The following NAALADL2 variants were observed in gnomAD, a reference collection of about 807,000 sequenced individuals.
The protein encoded by NAALADL2 is N-acetylated alpha-linked acidic dipeptidase like 2.
In NAALADL2, 76 loss-of-function variants were observed where a neutral mutation model predicts 87.2. That is an observed-to-expected ratio of 0.87 (90% confidence interval 0.72 to 1.05). NAALADL2 has a LOEUF of 1.05. NAALADL2 is among the 50% of genes least tolerant of loss of function. The probability of loss-of-function intolerance (pLI) is 0.00; values close to 1 mark genes in which losing one functional copy is unlikely to be tolerated. For missense variants in NAALADL2, 1,089 were observed against 945.8 expected (o/e 1.15, Z -1.99); for synonymous variants, 354 against 331.0 (o/e 1.07, Z -0.75).
intron 7 of NAALADL2, among the ~76,000 whole-genome samples, chr3:175,463,802 T>A (rs1553901988): frequency 6.6e-6 from 1 of 151,832 alleles, no homozygotes; most frequent in Non-Finnish European, 1.5e-5. Flanking sequence ...TGGCATGTTC[T>A]AAAAAAGCCA....
rs115972897 is a variant in NAALADL2, at chr3:175,167,049, C to T, written c.546-66882C>T. On this transcript the variant is annotated intron_variant, in intron 2 of 13. Coordinates refer to ENST00000454872, the MANE Select transcript of NAALADL2 (RefSeq NM_207015.3). ...AAGGACATTTAAGTTCTTTCTAGTG[C>T]TGATCTTCCCATAGGATCTTCCTGT... 2.9e-3 allele frequency among the ~76,000 whole-genome samples: 448 copies of T among 152,150 alleles called. 2 individuals carry two copies. The highest frequency in any genetic ancestry group is 8.8e-3 in the African/African-American group (365 of 41,534).
chr3:175,159,261 C>A (rs1283479443), intron 2 of NAALADL2, among the ~76,000 whole-genome samples: 2 of 152,082 alleles, frequency 1.3e-5, no homozygotes, highest in African/African-American at 2.4e-5. Context: ...AACAAGAAAT[C>A]TTAAAGGAAA....
Position 175,806,705 on chromosome 3 carries a change from T to A in NAALADL2, c.*3502T>A, listed in dbSNP as rs1365973589. ...CCCATGTATCCTTTTTTTTTTTTTT[T>A]TTTTTTTTTAATTCCCACAACAACC... On this transcript the variant is annotated 3_prime_UTR_variant, in exon 14 of 14. Coordinates refer to ENST00000454872, the MANE Select transcript of NAALADL2 (RefSeq NM_207015.3). The A allele has an allele frequency of 7.7e-6, 1 of 129,230 alleles. No individual in the cohort carries two copies. Among genetic ancestry groups the A allele is most frequent in the African/African-American group, 3.2e-5 (1 of 31,660 alleles). 8.0% of individuals were successfully genotyped at this position (129,230 alleles called of 1,614,324 possible).
chr3:175,176,612 T>C (rs1044210778), intron 2 of NAALADL2, among the ~76,000 whole-genome samples: 1 of 152,132 alleles, frequency 6.6e-6, no homozygotes, highest in African/African-American at 2.4e-5. Flanking sequence ...GGTGGGCCTC[T>C]CTCTGACTCT....
At chr3:175,645,834 G>A (rs1172722362) in intron 11 of NAALADL2, among the ~76,000 whole-genome samples, 1 of 151,982 alleles carries the variant, frequency 6.6e-6, no homozygotes, top group Non-Finnish European at 1.5e-5. Context: ...ATAAATTGGG[G>A]GTTTCAAAAG....
At chr3:174,886,622 A>G (rs557329230) in intron 1 of NAALADL2, among the ~76,000 whole-genome samples, 130 of 152,310 alleles carry the variant, frequency 8.5e-4, no homozygotes, top group African/African-American at 2.9e-3. Flanking sequence ...TGGAATAGCT[A>G]TATTCTCCTG....
chr3:174,723,570 A>G (rs940561415), intron 2 of NAALADL2, among the ~76,000 whole-genome samples: 4 of 152,028 alleles, frequency 2.6e-5, no homozygotes, highest in Non-Finnish European at 5.9e-5. Context: ...CCTGGCTAAC[A>G]TGGTGAAACC....
At chr3:175,461,051 C>T (rs894883329) in intron 6 of NAALADL2, among the ~76,000 whole-genome samples, 3 of 152,010 alleles carry the variant, frequency 2.0e-5, no homozygotes, top group African/African-American at 7.2e-5. Flanking sequence ...TTGCAGAGTG[C>T]TGATTGGTGG....
At chr3:174,808,526 A>AAAAAGAC (rs1719770504) in intron 3 of NAALADL2, among the ~76,000 whole-genome samples, 1 of 152,168 alleles carries the variant, frequency 6.6e-6, no homozygotes, top group South Asian at 2.1e-4. Context: ...GACATGGTAA[A>AAAAAGAC]ATGCTGCCAA....
At chr3:174,531,152 G>A (rs73040555) in intron 1 of NAALADL2, among the ~76,000 whole-genome samples, 2,575 of 152,078 alleles carry the variant, frequency 0.017, 74 homozygotes, top group African/African-American at 0.06. Context: ...ATTTGGCCCC[G>A]TGTTTCTATG....
At chr3:174,855,070 C>T (rs1379465158), upstream of NAALADL2, among the ~76,000 whole-genome samples, 2 of 151,962 alleles carry the variant, frequency 1.3e-5, no homozygotes, top group Admixed American at 1.3e-4. Flanking sequence ...AACTCCTGAC[C>T]TCAGGTGATC....
At chr3:175,723,845 A>G (rs561942156) in intron 11 of NAALADL2, among the ~76,000 whole-genome samples, 18 of 152,118 alleles carry the variant, frequency 1.2e-4, no homozygotes, top group Non-Finnish European at 1.6e-4. Flanking sequence ...TTACTAAGAG[A>G]GCTGCCCTTA....
chr3:175,333,351 G>T (rs776277922), intron 5 of NAALADL2, among the ~76,000 whole-genome samples: 6 of 152,180 alleles, frequency 3.9e-5, no homozygotes, highest in Non-Finnish European at 8.8e-5. Flanking sequence ...GCTTCTTTTA[G>T]TAATAGTAGC....
intron 4 of NAALADL2, among the ~76,000 whole-genome samples, chr3:175,267,604 T>C (rs73881457): frequency 0.019 from 2,962 of 152,226 alleles, 53 homozygotes; most frequent in Middle Eastern, 0.048. Context: ...ATGCTTCACA[T>C]TGGAAAATGG....
intron 2 of NAALADL2, among the ~76,000 whole-genome samples, chr3:174,655,173 GTAAC>G (rs1724782772): frequency 1.3e-5 from 2 of 152,170 alleles, no homozygotes; most frequent in Non-Finnish European, 2.9e-5. Flanking sequence ...TAAAATAGTA[GTAAC>G]TAACAAAGAG....
intron 1 of NAALADL2, among the ~76,000 whole-genome samples, chr3:174,945,883 A>G (rs1402779926): frequency 6.6e-6 from 1 of 151,952 alleles, no homozygotes; most frequent in East Asian, 1.9e-4. Flanking sequence ...AGTCTCTACT[A>G]AAAATACAAA....
At chr3:174,885,477 A>G (rs1023714726) in intron 1 of NAALADL2, among the ~76,000 whole-genome samples, 3 of 152,206 alleles carry the variant, frequency 2.0e-5, no homozygotes, top group Non-Finnish European at 4.4e-5. Context: ...GGTATTATGT[A>G]TAGAGTCACT....
chr3:174,522,923 G>C (rs574362311), intron 1 of NAALADL2, among the ~76,000 whole-genome samples: 1 of 112,722 alleles, frequency 8.9e-6, no homozygotes, highest in Non-Finnish European at 1.7e-5. Context: ...GAAAGAGCGA[G>C]ACTCTGTCTC....
intron 10 of NAALADL2, among the ~76,000 whole-genome samples, chr3:175,604,689 T>G (rs1001771811): frequency 3.3e-5 from 5 of 152,180 alleles, no homozygotes; most frequent in Non-Finnish European, 7.3e-5. Flanking sequence ...TCCTCTTGAT[T>G]AGGTACAGGT....
Sources: allele counts gnomAD v4.1 joint callset (sites outside exome capture counted in the v4.1 genomes callset), GRCh38; gene constraint gnomAD v4.1.1; transcripts MANE v1.5; gene names NCBI Gene and HGNC (gene_info 2026-07-23, HGNC 2026-07-21).